The following CACNA1G variants were observed in gnomAD, a reference collection of about 807,000 sequenced individuals.
The protein encoded by CACNA1G is voltage-dependent T-type calcium channel subunit alpha-1G.
Under a neutral mutation model 219.4 loss-of-function variants are expected in CACNA1G, and 67 were observed. That is an observed-to-expected ratio of 0.31 (90% CI 0.25 to 0.37). CACNA1G has a LOEUF of 0.37. Ranked by LOEUF, CACNA1G falls within the 10% of genes least tolerant of loss-of-function variation. The pLI is 1.00. For missense variants in CACNA1G, 2,380 were observed against 3,231.4 expected, an observed-to-expected ratio of 0.74 and a Z score of 6.39; for synonymous variants, 1,296 against 1,345.3, an observed-to-expected ratio of 0.96 and a Z score of 0.80.
At position 50,627,303 on chromosome 17, in the gene CACNA1G, A is replaced by T. The variant is rs1223831098; in HGVS notation, c.*552A>T. On this transcript the variant is annotated 3_prime_UTR_variant, in exon 38 of 38. Coordinates refer to ENST00000359106, the MANE Select transcript of CACNA1G (RefSeq NM_018896.5). ...AGCGAGAACCATTTTGGAAACTGTAATGTAACTTATTTTTTCCTTTAACCT... is the reference window on the plus strand; with the variant it reads ...AGCGAGAACCATTTTGGAAACTGTATTGTAACTTATTTTTTCCTTTAACCT... The T allele has an allele frequency of 2.3e-6, 1 of 432,048 alleles. No homozygotes were observed. Among genetic ancestry groups the T allele is most frequent in the Admixed American group, 2.5e-5 (1 of 40,048 alleles). 26.8% of individuals were successfully genotyped at this position (432,048 alleles called of 1,614,324 possible).
At position 50,591,632 on chromosome 17, in the gene CACNA1G, A is replaced by G. The variant is rs1330748083; in HGVS notation, c.2639+12A>G. 1 of 1,612,302 alleles carries G rather than the reference A, an allele frequency of 6.2e-7. No individual in the cohort carries two copies. The highest frequency in any genetic ancestry group is 1.3e-5 in the African/African-American group (1 of 75,008). On this transcript the variant is annotated intron_variant, in intron 11 of 37. Transcript: ENST00000359106. The stretch of plus-strand genomic sequence containing the variant: ...ATCTTCATCTTCAGGTGAGGGCGGC[A>G]TGGCACCTTGCCGGCTGAGAGACCG...
Position 50,618,564 on chromosome 17 carries a change from C to G in CACNA1G, c.5428-91C>G. On this transcript the variant is annotated intron_variant, in intron 32 of 37. Transcript: ENST00000359106. This position sits in a 1 kb window ranked among gnomAD's most constrained non-coding sequence, Gnocchi z 5.3. Reference sequence around the variant, plus strand: ...TCCTCCTCCCCTTCCTTCCCATCCTCCAATGCTCTGTGACACCAGTGACCT... The same window carrying G: ...TCCTCCTCCCCTTCCTTCCCATCCTGCAATGCTCTGTGACACCAGTGACCT... The G allele has an allele frequency of 9.0e-7, 1 of 1,115,174 alleles. No individual in the cohort carries two copies. The highest frequency in any genetic ancestry group is 1.3e-6 in the Non-Finnish European group (1 of 760,606). 69.1% of individuals were successfully genotyped at this position (1,115,174 alleles called of 1,614,324 possible).
At chr17:50,614,271 C>T (rs563991150) in intron 26 of CACNA1G, among the ~76,000 whole-genome samples, 1 of 152,240 alleles carries the variant, frequency 6.6e-6, no homozygotes, top group Non-Finnish European at 1.5e-5. Context: ...CCAGCTACCC[C>T]CTGGCTCAGG....
intron 9 of CACNA1G, among the ~76,000 whole-genome samples, chr17:50,584,052 A>G (rs774827173): frequency 3.3e-5 from 5 of 152,112 alleles, no homozygotes; most frequent in Admixed American, 6.5e-5. Flanking sequence ...CGAAGTTTCT[A>G]AGGCAGAATC....
At chr17:50,624,324 T>TGCCCCCCCCC in intron 36 of CACNA1G, 36 bp from the exon 37 acceptor site, 3 of 1,177,646 alleles carry the variant, frequency 2.5e-6, no homozygotes, top group East Asian at 2.7e-5. Flanking sequence ...CTCCATTCTC[T>TGCCCCCCCCC]CCCCCCACCC....
Position 50,604,176 on chromosome 17 carries a change from G to T in CACNA1G, c.4191G>T (p.Gly1397=). ...RPLRVISRAQ[G]LKLVVETLMS... is the part of the protein sequence containing the mutation. Reference sequence around the variant, plus strand: ...CCAGGGTGATCAGCCGGGCGCAGGGGCTGAAGCTGGTGGTGGAGACGCTGA... The same window carrying T: ...CCAGGGTGATCAGCCGGGCGCAGGGTCTGAAGCTGGTGGTGGAGACGCTGA... Residue 1397 remains glycine (G), a synonymous_variant, in exon 22 of 38, where the codon GGG becomes GGT. Coordinates refer to ENST00000359106, the MANE Select transcript of CACNA1G (RefSeq NM_018896.5). The T allele has an allele frequency of 1.9e-6, 3 of 1,613,670 alleles. No individual in the cohort carries two copies. Among genetic ancestry groups the T allele is most frequent in the Non-Finnish European group, 2.5e-6 (3 of 1,179,642 alleles).
intron 1 of CACNA1G, 125 bp downstream of exon 1, chr17:50,561,826 G>T (rs939181604): frequency 2.9e-6 from 2 of 690,740 alleles, no homozygotes; most frequent in East Asian, 3.5e-5. Flanking sequence ...GTAGGCGGAT[G>T]GGGGGGGGGC....
intron 3 of CACNA1G, among the ~76,000 whole-genome samples, 183 bp from the exon 4 acceptor site, chr17:50,569,523 G>A (rs898824494): frequency 4.6e-5 from 7 of 152,052 alleles, no homozygotes; most frequent in African/African-American, 1.7e-4. Context: ...TGGGCAATCT[G>A]TCCTTGTCTC....
rs774523190 is a variant in CACNA1G at position 50,621,716 on chromosome 17, G to A, written c.5982G>A (p.Pro1994=). 62 of 1,613,858 alleles carry A rather than the reference G, an allele frequency of 3.8e-5. No individual in the cohort carries two copies. Among genetic ancestry groups the A allele is most frequent in the Non-Finnish European group, 4.7e-5 (55 of 1,179,860 alleles). Residue 1994 remains proline, a synonymous_variant, in exon 35 of 38, where the codon CCG becomes CCA. Transcript: ENST00000359106. This position sits in a 1 kb window ranked among gnomAD's most constrained non-coding sequence, Gnocchi z 4.6. ...TGACGTCAGAGATTGTGTCTGAACC[G>A]TCCTGCTCTCTAGCTCTGACGGATG... ...LSLTSEIVSE[P]SCSLALTDDS... is the part of the protein sequence containing the mutation.
In CACNA1G at chr17:50,600,949, C is replaced by G; in HGVS notation, c.3792-102C>G. On this transcript the variant is annotated intron_variant, in intron 18 of 37. Coordinates refer to ENST00000359106, the MANE Select transcript of CACNA1G (RefSeq NM_018896.5). The surrounding 1 kb of genome is among the most constrained non-coding windows in gnomAD (Gnocchi z 4.1). ...CTGCCTGGGGTGTGAGCAGGGTGGC[C>G]TCAGCTGGGAGGGCACTGGAGGGGC... is the stretch of plus-strand genomic sequence containing the variant. 6.3e-7 allele frequency: 1 copy of G among 1,578,482 alleles called. No homozygotes were observed. Among genetic ancestry groups the G allele is most frequent in the Non-Finnish European group, 8.7e-7 (1 of 1,154,280 alleles).
intron 13 of CACNA1G, among the ~76,000 whole-genome samples, chr17:50,594,500 T>C (rs1295437259): frequency 6.6e-6 from 1 of 152,140 alleles, no homozygotes; most frequent in African/African-American, 2.4e-5. Context: ...TCCGAACCGG[T>C]GAGAGGAGAG....
At chr17:50,579,939 C>T (rs2041568240) in intron 9 of CACNA1G, among the ~76,000 whole-genome samples, 1 of 152,078 alleles carries the variant, frequency 6.6e-6, no homozygotes, top group Non-Finnish European at 1.5e-5. Context: ...CCGGGGGATT[C>T]GAAGCCCGCC....
At chr17:50,623,068 A>G (rs1225473978) in intron 35 of CACNA1G, among the ~76,000 whole-genome samples, 1 of 144,352 alleles carries the variant, frequency 6.9e-6, no homozygotes, top group Non-Finnish European at 1.5e-5. Context: ...CTGACAGCAC[A>G]GGGTCGTAGG....
Position 50,575,590 on chromosome 17 carries a change from G to A in CACNA1G, c.1188G>A (p.Thr396=), listed in dbSNP as rs201089692. 1.5e-5 allele frequency: 25 copies of A among 1,613,266 alleles called. No individual in the cohort carries two copies. The highest frequency in any genetic ancestry group is 1.9e-5 in the Non-Finnish European group (23 of 1,179,668). The part of the protein sequence containing the change: ...MINLCLVVIA[T]QFSETKQRES... ...ACCTGTGCCTGGTGGTGATTGCCAC[G>A]CAGTTCTCAGAGACCAAGCAGCGGG... The change falls in exon 8 of 38, where the codon ACG becomes ACA. Residue 396 remains threonine, a synonymous_variant. Coordinates refer to ENST00000359106, the MANE Select transcript of CACNA1G (RefSeq NM_018896.5).
At chr17:50,609,971 G>T in intron 26 of CACNA1G, 36 bp downstream of exon 26, 1 of 1,585,738 alleles carries the variant, frequency 6.3e-7, no homozygotes, top group Non-Finnish European at 8.6e-7. Context: ...TGCGTGTGGG[G>T]ACATGCTCTT....
rs772423186 is a variant in CACNA1G, at chr17:50,572,762, T to A, written c.955T>A (p.Tyr319Asn). The A allele has an allele frequency of 6.2e-7, 1 of 1,613,986 alleles. No individual in the cohort carries two copies. The highest frequency in any genetic ancestry group is 1.7e-5 in the Admixed American group (1 of 60,028). ...CACCACCTGTGTCAACTGGAACCAG[T>A]ACTACACCAACTGCTCAGCGGGGGA... ...SNTTCVNWNQ[Y>N]YTNCSAGEHN... The change falls in exon 6 of 38, where the codon TAC becomes AAC. Residue 319 changes from tyrosine to asparagine, a missense_variant. This residue lies in a region of CACNA1G where 72 missense variants were observed against 175.8 expected (regional missense o/e 0.41). Transcript: ENST00000359106.
At chr17:50,584,224 T>A (rs928678831) in intron 9 of CACNA1G, among the ~76,000 whole-genome samples, 1 of 152,044 alleles carries the variant, frequency 6.6e-6, no homozygotes, top group Non-Finnish European at 1.5e-5. Flanking sequence ...GGAGAGATTG[T>A]TTAGTGTCGT....
At position 50,561,109 on chromosome 17, in the gene CACNA1G, G is replaced by A. The variant is rs772452335; in HGVS notation, c.-351G>A. 8 of 465,504 alleles carry A rather than the reference G, an allele frequency of 1.7e-5. No homozygotes were observed. Among genetic ancestry groups the A allele is most frequent in the Non-Finnish European group, 2.9e-5 (7 of 243,944 alleles). The allele number at this position is 465,504 out of a possible 1,614,324, so 28.8% of individuals were successfully genotyped here. On this transcript the variant is annotated 5_prime_UTR_variant, in exon 1 of 38. Transcript: ENST00000359106. ...CCCCCCTTTTCGTTCGCCCTCTCGG[G>A]GCGGCTTCGCCGAAGGTAGCGCCGA...
At chr17:50,609,810 AG>A (rs2048799858) in intron 25 of CACNA1G, 71 bp from the exon 26 acceptor site, 4 of 1,398,904 alleles carry the variant, frequency 2.9e-6, no homozygotes, top group Non-Finnish European at 4.0e-6. Context: ...GCTGAGGGGA[AG>A]CCGCCCCTGA....
Sources: allele counts gnomAD v4.1 joint callset (sites outside exome capture counted in the v4.1 genomes callset), GRCh38; gene constraint gnomAD v4.1.1; regional missense constraint gnomAD v4.1.1; non-coding constraint Gnocchi (gnomAD v3.1); transcripts MANE v1.5; gene names NCBI Gene and HGNC (gene_info 2026-07-23, HGNC 2026-07-21).